The following COMMD6 variants were observed in gnomAD, a reference collection of about 807,000 sequenced individuals.
The protein encoded by COMMD6 is COMM domain containing 6.
In COMMD6, 11 loss-of-function variants were observed where a neutral mutation model predicts 13.4. The ratio of observed to expected loss-of-function variants is 0.82; its 90% CI spans 0.52 to 1.36. The LOEUF is 1.36. COMMD6 is among the 40% of genes most tolerant of loss of function. The pLI is 0.00. For synonymous variants in COMMD6, 43 were observed against 36.5 expected, an observed-to-expected ratio of 1.18 and a Z score of -0.64; for missense variants, 124 against 102.4, an observed-to-expected ratio of 1.21 and a Z score of -0.91.
In COMMD6 at chr13:75,525,670, T is replaced by C. The variant is rs2030220375; in HGVS notation, c.*919A>G. 6.6e-6 allele frequency: 1 copy of C among 152,238 alleles called. No homozygotes were observed. The highest frequency in any genetic ancestry group is 1.5e-5 in the Non-Finnish European group (1 of 68,060). 9.4% of individuals were successfully genotyped at this position (152,238 alleles called of 1,614,324 possible). On this transcript the variant is annotated 3_prime_UTR_variant, in exon 4 of 4. Transcript: ENST00000682242. ...AGCAGTCCTGGGCTCCTCACAGCTG[T>C]GTGCTACCTAGCAGGGAACAAAAAA...
intron 1 of COMMD6, among the ~76,000 whole-genome samples, chr13:75,547,442 T>C (rs1350650441): frequency 6.6e-6 from 1 of 152,188 alleles, no homozygotes; most frequent in African/African-American, 2.4e-5. Context: ...ATAATGAGGA[T>C]GGACAGAACT....
intron 1 of COMMD6, among the ~76,000 whole-genome samples, chr13:75,546,687 G>A (rs1208769585): frequency 5.9e-5 from 9 of 152,188 alleles, no homozygotes; most frequent in African/African-American, 2.2e-4. Flanking sequence ...GATACTAAAA[G>A]TGCATGGATT....
chr13:75,537,867 T>C, upstream of COMMD6: 3 of 1,513,522 alleles, frequency 2.0e-6, no homozygotes, highest in South Asian at 3.9e-5. Flanking sequence ...GCGCTTCCGC[T>C]TCCACGTCCT....
At chr13:75,545,516 G>A (rs1397769722) in intron 1 of COMMD6, among the ~76,000 whole-genome samples, 3 of 151,806 alleles carry the variant, frequency 2.0e-5, no homozygotes, top group African/African-American at 7.3e-5. Flanking sequence ...ACCCAGGCTG[G>A]AGTGCCGTGG....
intron 2 of COMMD6, among the ~76,000 whole-genome samples, chr13:75,533,540 G>T (rs1004383236): frequency 2.1e-5 from 3 of 145,314 alleles, no homozygotes; most frequent in African/African-American, 7.7e-5. Context: ...CTGCACTCCA[G>T]CCTGGGCAAC....
chr13:75,543,505 C>A (rs2030857128), upstream of COMMD6, among the ~76,000 whole-genome samples: 1 of 152,176 alleles, frequency 6.6e-6, no homozygotes, highest in Admixed American at 6.6e-5. Flanking sequence ...TTGTTTTAAG[C>A]CACTAAATGT....
At chr13:75,539,553 T>TAAA (rs1385167535), upstream of COMMD6, among the ~76,000 whole-genome samples, 2 of 152,166 alleles carry the variant, frequency 1.3e-5, no homozygotes, top group African/African-American at 4.8e-5. Context: ...GGCCTCTTTC[T>TAAA]ATCTTAAGGT....
intron 2 of COMMD6, among the ~76,000 whole-genome samples, chr13:75,532,336 T>C (rs1456381260): frequency 2.0e-5 from 3 of 152,234 alleles, no homozygotes; most frequent in South Asian, 4.1e-4. Context: ...GAAGAGTTTA[T>C]TGTAGCCTAG....
At chr13:75,526,849 T>A (rs1205575074) in intron 3 of COMMD6, among the ~76,000 whole-genome samples, 1 of 152,198 alleles carries the variant, frequency 6.6e-6, no homozygotes, top group Non-Finnish European at 1.5e-5. Flanking sequence ...AATTATCTTA[T>A]GACTAAACTT....
chr13:75,548,129 C>T (rs2030941569), intron 1 of COMMD6, among the ~76,000 whole-genome samples: 2 of 152,228 alleles, frequency 1.3e-5, no homozygotes, highest in African/African-American at 4.8e-5. Context: ...TGGAACAAGG[C>T]AATTCCTTTG....
At chr13:75,537,484 A>T in intron 2 of COMMD6, 180 bp downstream of exon 2, 1 of 1,553,696 alleles carries the variant, frequency 6.4e-7, no homozygotes, top group African/African-American at 1.4e-5. Flanking sequence ...CTTTCATTAC[A>T]ATGGCAACGG....
chr13:75,530,324 AT>A, intron 2 of COMMD6, 58 bp from the exon 3 acceptor site: 1 of 1,402,882 alleles, frequency 7.1e-7, no homozygotes, highest in Non-Finnish European at 9.8e-7. Context: ...GAATGCAGAT[AT>A]TTATTCAATT....
chr13:75,549,308 A>C, intron 1 of COMMD6: 1 of 157,792 alleles, frequency 6.3e-6, no homozygotes, highest in Non-Finnish European at 1.4e-5. Flanking sequence ...CACCCCGACA[A>C]ACGAACAACA....
intron 3 of COMMD6, among the ~76,000 whole-genome samples, chr13:75,529,081 G>A (rs1034084891): frequency 2.6e-5 from 4 of 152,066 alleles, no homozygotes; most frequent in African/African-American, 9.7e-5. Flanking sequence ...TGCTGTTTAA[G>A]TACTAAGTGT....
upstream of COMMD6, among the ~76,000 whole-genome samples, chr13:75,539,064 A>T (rs1198241146): frequency 6.6e-6 from 1 of 152,130 alleles, no homozygotes; most frequent in East Asian, 1.9e-4. Context: ...CAGGAAGGGC[A>T]GGTCAAGTCC....
chr13:75,546,102 T>G (rs2030901190), intron 1 of COMMD6, among the ~76,000 whole-genome samples: 1 of 152,220 alleles, frequency 6.6e-6, no homozygotes. Flanking sequence ...ATGTACCCAT[T>G]TCAATATATA....
upstream of COMMD6, among the ~76,000 whole-genome samples, chr13:75,540,430 T>C (rs150116929): frequency 1.7e-3 from 260 of 152,228 alleles, 1 homozygote; most frequent in African/African-American, 6.0e-3. Flanking sequence ...ATGTGTATTT[T>C]AAAAGGTATT....
At chr13:75,528,378 G>A (rs183460716) in intron 3 of COMMD6, among the ~76,000 whole-genome samples, 3 of 152,266 alleles carry the variant, frequency 2.0e-5, no homozygotes, top group East Asian at 3.9e-4. Flanking sequence ...CTCATATTTA[G>A]TTGAATGTTA....
At chr13:75,538,873 G>A (rs1361534269), upstream of COMMD6, 1 of 152,164 alleles carries the variant, frequency 6.6e-6, no homozygotes, top group Admixed American at 6.5e-5. Context: ...CCTCAATGAA[G>A]GTTCCGGGGT....
Sources: gnomAD v4.1 joint callset for allele counts (sites outside exome capture counted in the v4.1 genomes callset) on GRCh38, gnomAD v4.1.1 for gene constraint, MANE v1.5 for transcripts, NCBI Gene and HGNC (gene_info 2026-07-23, HGNC 2026-07-21) for gene names.